The following BCAS3 variants were observed in gnomAD, a reference collection of about 807,000 sequenced individuals.
BCAS3 encodes BCAS4/BCAS3 fusion.
A neutral mutation model predicts 116.1 loss-of-function variants in BCAS3; 53 were observed. The ratio of observed to expected loss-of-function variants is 0.46; its 90% CI spans 0.37 to 0.57. The LOEUF (loss-of-function observed/expected upper bound fraction) is 0.57. BCAS3 is among the 20% of genes least tolerant of loss of function. The pLI, the probability that BCAS3 is intolerant of heterozygous loss-of-function variation, is 0.00. For synonymous variants in BCAS3, 391 were observed against 408.2 expected (o/e 0.96, Z 0.51); for missense variants, 917 against 1,165.4 (o/e 0.79, Z 3.10).
intron 22 of BCAS3, among the ~76,000 whole-genome samples, chr17:61,330,253 C>T (rs1016419531): frequency 4.7e-5 from 7 of 147,720 alleles, no homozygotes; most frequent in African/African-American, 1.5e-4. Flanking sequence ...CTCCCTCCCT[C>T]CCTTCCTTTC....
rs59755143 is a variant in BCAS3, at chr17:60,814,304, T to TGCGCGCGC, written c.476+6229_476+6230insCGCGCGCG. On this transcript the variant is annotated intron_variant, in intron 7 of 23. Transcript: ENST00000407086. ...GTGTGTGTGTGTGTGTGTGTGTGTG[T>TGCGCGCGC]GTGCGCGCGTGCCCATTGCAAATGG... Among the ~76,000 whole-genome samples the TGCGCGCGC allele has an allele frequency of 2.9e-4, 40 of 136,806 alleles. 1 individual carries two copies. Among genetic ancestry groups the TGCGCGCGC allele is most frequent in the African/African-American group, 9.3e-4 (31 of 33,404 alleles). The allele number at this position is 136,806 out of a possible 152,430, so 89.8% of individuals were successfully genotyped here. A position where few individuals can be genotyped will look rare whatever the true frequency, so the allele number is the denominator to read the frequency against.
intron 6 of BCAS3, among the ~76,000 whole-genome samples, chr17:60,755,102 A>G (rs1017103010): frequency 4.6e-5 from 7 of 152,186 alleles, no homozygotes; most frequent in Non-Finnish European, 7.3e-5. Context: ...CAGTGTTTCT[A>G]GGGGAGAATG....
chr17:60,738,590 T>C (rs2041211313), intron 5 of BCAS3, among the ~76,000 whole-genome samples: 1 of 152,196 alleles, frequency 6.6e-6, no homozygotes, highest in African/African-American at 2.4e-5. Context: ...CCTGTCTTTA[T>C]ATTTAAAGTG....
intron 4 of BCAS3, among the ~76,000 whole-genome samples, chr17:60,699,842 G>A (rs1253988493): frequency 1.4e-5 from 2 of 144,804 alleles, no homozygotes; most frequent in East Asian, 2.0e-4. Flanking sequence ...CAGCCTGGGC[G>A]ACAGAGCAAG....
chr17:60,845,067 T>C (rs1322040661), intron 7 of BCAS3, among the ~76,000 whole-genome samples: 1 of 152,042 alleles, frequency 6.6e-6, no homozygotes, highest in African/African-American at 2.4e-5. Flanking sequence ...CCTTCTCTAC[T>C]AAAAATACAA....
At chr17:61,342,295 GT>G (rs2057219226) in intron 22 of BCAS3, among the ~76,000 whole-genome samples, 2 of 152,176 alleles carry the variant, frequency 1.3e-5, no homozygotes. Flanking sequence ...CTTTAGAAAC[GT>G]CACTTCCCCA....
intron 4 of BCAS3, among the ~76,000 whole-genome samples, chr17:60,695,971 A>C (rs1406220003): frequency 6.6e-6 from 1 of 152,128 alleles, no homozygotes; most frequent in Non-Finnish European, 1.5e-5. Flanking sequence ...ATCTTTGTCC[A>C]CTTCTTGTCA....
At chr17:60,920,265 C>G (rs1798380792) in intron 12 of BCAS3, among the ~76,000 whole-genome samples, 1 of 152,170 alleles carries the variant, frequency 6.6e-6, no homozygotes, top group Admixed American at 6.5e-5. Flanking sequence ...CCTGATTAAA[C>G]TAAAGAGCTT....
chr17:61,198,746 A>T lies in BCAS3; in HGVS notation c.2425+114182A>T, dbSNP rs2080644112. ...TCTTAGCATTTATCTTCAAACCTTA[A>T]GTGTAAAAATGAGACAGAGGCTTAG... On this transcript the variant is annotated intron_variant, in intron 22 of 23. Coordinates refer to ENST00000407086, the MANE Select transcript of BCAS3 (RefSeq NM_017679.5). This position sits in a 1 kb window ranked among gnomAD's most constrained non-coding sequence, Gnocchi z 5.0. Among the ~76,000 whole-genome samples, 1 of 152,224 alleles carries T rather than the reference A, an allele frequency of 6.6e-6. No homozygotes were observed. The highest frequency in any genetic ancestry group is 3.2e-3 in the Middle Eastern group (1 of 316).
chr17:61,014,789 G>A (rs2065338860), intron 15 of BCAS3, among the ~76,000 whole-genome samples: 1 of 152,062 alleles, frequency 6.6e-6, no homozygotes, highest in African/African-American at 2.4e-5. Context: ...CAGCAAAGTT[G>A]TAGGATACAA....
chr17:61,184,899 A>G (rs959564099), intron 22 of BCAS3, among the ~76,000 whole-genome samples: 6 of 152,146 alleles, frequency 3.9e-5, no homozygotes, highest in African/African-American at 1.4e-4. Flanking sequence ...CTATAGAGGT[A>G]GAATGCAGAT....
intron 22 of BCAS3, among the ~76,000 whole-genome samples, chr17:61,257,095 A>G (rs2048836041): frequency 6.6e-6 from 1 of 152,140 alleles, no homozygotes; most frequent in African/African-American, 2.4e-5. Context: ...GATAAGGCTT[A>G]GGGAAAGAAA....
intron 6 of BCAS3, among the ~76,000 whole-genome samples, chr17:60,780,215 C>T (rs1476881853): frequency 6.6e-6 from 1 of 151,446 alleles, no homozygotes; most frequent in Admixed American, 6.6e-5. Context: ...GTCTCAAACT[C>T]CTGACCTTGT....
intron 12 of BCAS3, among the ~76,000 whole-genome samples, chr17:60,923,553 G>C (rs991155402): frequency 6.6e-6 from 1 of 152,088 alleles, no homozygotes; most frequent in Non-Finnish European, 1.5e-5. Flanking sequence ...GCATTTTTGA[G>C]AGAAAAAAAT....
intron 7 of BCAS3, among the ~76,000 whole-genome samples, chr17:60,843,817 A>C (rs2052221779): frequency 6.6e-6 from 1 of 151,910 alleles, no homozygotes; most frequent in Admixed American, 6.6e-5. Context: ...TATGCATATT[A>C]CTTATTAATC....
chr17:60,693,851 A>G (rs1218501187), intron 4 of BCAS3, among the ~76,000 whole-genome samples: 1 of 150,318 alleles, frequency 6.7e-6, no homozygotes, highest in African/African-American at 2.5e-5. Flanking sequence ...AAAATATAGC[A>G]TAAAATTTAC....
chr17:60,757,745 A>T (rs1022988063), intron 6 of BCAS3, among the ~76,000 whole-genome samples: 1 of 152,058 alleles, frequency 6.6e-6, no homozygotes, highest in Non-Finnish European at 1.5e-5. Context: ...CCTTTGCTGT[A>T]TGGAAGCCTT....
At chr17:60,709,505 T>C in intron 5 of BCAS3, 180 bp downstream of exon 5, 1 of 446,790 alleles carries the variant, frequency 2.2e-6, no homozygotes, top group East Asian at 5.0e-5. Context: ...TTCTCCTGCC[T>C]CAACCTCCCG....
intron 22 of BCAS3, among the ~76,000 whole-genome samples, chr17:61,319,264 G>A (rs1351264564): frequency 2.0e-5 from 3 of 152,144 alleles, no homozygotes; most frequent in East Asian, 1.9e-4. Context: ...CTGACCCTTT[G>A]AACTTGAAAT....
Sources: allele counts gnomAD v4.1 joint callset (sites outside exome capture counted in the v4.1 genomes callset), GRCh38; gene constraint gnomAD v4.1.1; non-coding constraint Gnocchi (gnomAD v3.1); transcripts MANE v1.5; gene names NCBI Gene and HGNC (gene_info 2026-07-23, HGNC 2026-07-21).